Variants in BARD1 observed in about 807,000 individuals in gnomAD.
The protein encoded by BARD1 is BRCA1 associated RING domain 1.
In BARD1, 73 loss-of-function variants were observed where a neutral mutation model predicts 77.0. The observed-to-expected ratio is 0.95, with a 90% CI of 0.79 to 1.15. The LOEUF is 1.15. Among genes scored for constraint, BARD1 ranks in the 50% most tolerant of loss-of-function variants. The pLI is 0.00. For missense variants in BARD1, 993 were observed against 938.8 expected (o/e 1.06, Z -0.75); for synonymous variants, 384 against 338.0 (o/e 1.14, Z -1.49).
intron 3 of BARD1, among the ~76,000 whole-genome samples, chr2:214,786,494 T>C (rs1695283865): frequency 6.6e-6 from 1 of 151,974 alleles, no homozygotes; most frequent in Non-Finnish European, 1.5e-5. Flanking sequence ...TCATATTTCT[T>C]GAGTACAAAA....
At chr2:214,746,188 C>T (rs1471576213) in intron 7 of BARD1, among the ~76,000 whole-genome samples, 1 of 152,124 alleles carries the variant, frequency 6.6e-6, no homozygotes, top group East Asian at 1.9e-4. Flanking sequence ...TTAAAATCAG[C>T]AATTCCCTAT....
chr2:214,778,839 T>C (rs978058846), intron 4 of BARD1, among the ~76,000 whole-genome samples: 10 of 152,140 alleles, frequency 6.6e-5, no homozygotes, highest in African/African-American at 2.4e-4. Context: ...TAAAGATAAA[T>C]TATTCTTATG....
chr2:214,741,098 C>T (rs1053738339), intron 9 of BARD1, among the ~76,000 whole-genome samples: 1 of 152,038 alleles, frequency 6.6e-6, no homozygotes, highest in African/African-American at 2.4e-5. Context: ...TCCATCTCTC[C>T]TCAGCTAAAA....
At chr2:214,734,251 G>A (rs1230421942) in intron 9 of BARD1, among the ~76,000 whole-genome samples, 1 of 151,940 alleles carries the variant, frequency 6.6e-6, no homozygotes, top group African/African-American at 2.4e-5. Flanking sequence ...AATAAAGCAG[G>A]AAATAATACA....
chr2:214,802,867 C>G (rs1377754011), intron 1 of BARD1, among the ~76,000 whole-genome samples: 9 of 152,138 alleles, frequency 5.9e-5, no homozygotes, highest in Admixed American at 5.9e-4. Flanking sequence ...TGTAACTTTA[C>G]ATGTAGTTGA....
At chr2:214,730,355 G>A (rs778601623) in intron 10 of BARD1, 56 bp downstream of exon 10, 1 of 1,464,160 alleles carries the variant, frequency 6.8e-7, no homozygotes, top group Non-Finnish European at 9.6e-7. Flanking sequence ...TCCTGATGGT[G>A]ATAATAATAG....
intron 4 of BARD1, among the ~76,000 whole-genome samples, chr2:214,779,332 A>C (rs1293298836): frequency 6.6e-6 from 1 of 152,176 alleles, no homozygotes; most frequent in African/African-American, 2.4e-5. Flanking sequence ...TCTCTAAATT[A>C]CTTATAACAC....
At chr2:214,789,724 TG>T (rs1695430394) in intron 3 of BARD1, among the ~76,000 whole-genome samples, 1 of 152,090 alleles carries the variant, frequency 6.6e-6, no homozygotes, top group African/African-American at 2.4e-5. Flanking sequence ...CTGTGTAGCC[TG>T]GGTCCTCAGT....
At chr2:214,784,680 T>C (rs1206043327) in intron 3 of BARD1, among the ~76,000 whole-genome samples, 1 of 152,298 alleles carries the variant, frequency 6.6e-6, no homozygotes, top group African/African-American at 2.4e-5. Flanking sequence ...ATATACACCA[T>C]GGAATACTAT....
At chr2:214,769,378 T>C (rs1694371840) in intron 4 of BARD1, 66 bp from the exon 5 acceptor site, 1 of 1,213,018 alleles carries the variant, frequency 8.2e-7, no homozygotes, top group South Asian at 1.2e-5. Context: ...TTGAGCTTTT[T>C]TAAATGCTGC....
chr2:214,750,291 A>C (rs1249468907), intron 7 of BARD1, among the ~76,000 whole-genome samples: 1 of 152,122 alleles, frequency 6.6e-6, no homozygotes, highest in Non-Finnish European at 1.5e-5. Flanking sequence ...ACTCCCAGCT[A>C]GCCTGCAGAC....
At chr2:214,806,783 AGAATTGCTT>A (rs1696292140) in intron 1 of BARD1, among the ~76,000 whole-genome samples, 1 of 150,462 alleles carries the variant, frequency 6.6e-6, no homozygotes, top group African/African-American at 2.4e-5. Context: ...CTGAGGCAAG[AGAATTGCTT>A]GAACCCGGGG....
intron 4 of BARD1, 145 bp downstream of exon 4, chr2:214,780,415 A>G (rs1694928570): frequency 6.8e-6 from 5 of 735,756 alleles, no homozygotes; most frequent in Non-Finnish European, 1.1e-5. Context: ...CTCCCTATGA[A>G]TCTGGCTTCT....
At chr2:214,747,826 T>A (rs1693206082) in intron 7 of BARD1, among the ~76,000 whole-genome samples, 1 of 151,164 alleles carries the variant, frequency 6.6e-6, no homozygotes, top group Non-Finnish European at 1.5e-5. Context: ...CTGCACGTTG[T>A]GCACATGTAC....
At chr2:214,774,762 C>A (rs974899035) in intron 4 of BARD1, among the ~76,000 whole-genome samples, 3 of 152,230 alleles carry the variant, frequency 2.0e-5, no homozygotes, top group Admixed American at 6.5e-5. Flanking sequence ...GTTTCAACTT[C>A]ACTGAAATCT....
chr2:214,780,503 G>C, intron 4 of BARD1, 57 bp downstream of exon 4: 1 of 1,485,760 alleles, frequency 6.7e-7, no homozygotes, highest in Non-Finnish European at 9.4e-7. Flanking sequence ...AAACTGCAAA[G>C]AAATTGCTTT....
At chr2:214,790,393 G>A (rs193208771) in intron 3 of BARD1, among the ~76,000 whole-genome samples, 7 of 152,080 alleles carry the variant, frequency 4.6e-5, no homozygotes, top group Admixed American at 2.6e-4. Flanking sequence ...GACTCCCAAC[G>A]CAATATGACT....
At chr2:214,745,606 G>T in intron 8 of BARD1, 116 bp downstream of exon 8, 2 of 1,299,716 alleles carry the variant, frequency 1.5e-6, no homozygotes, top group Non-Finnish European at 1.1e-6. Context: ...AAGATGCAAA[G>T]TATACAGCCA....
intron 4 of BARD1, among the ~76,000 whole-genome samples, chr2:214,775,742 G>A (rs1296590251): frequency 6.6e-6 from 1 of 152,148 alleles, no homozygotes; most frequent in Non-Finnish European, 1.5e-5. Context: ...CCTGGTCAAT[G>A]GCACAATAAG....
Sources: gnomAD v4.1 joint callset for allele counts (sites outside exome capture counted in the v4.1 genomes callset) on GRCh38, gnomAD v4.1.1 for gene constraint, MANE v1.5 for transcripts, NCBI Gene and HGNC (gene_info 2026-07-23, HGNC 2026-07-21) for gene names.